The following TFDP2 variants were observed in gnomAD, a reference collection of about 807,000 sequenced individuals.
TFDP2 encodes transcription factor Dp-2 (E2F dimerization partner 2).
TFDP2 carries 17 observed loss-of-function variants against 59.3 expected under a neutral mutation model. The observed-to-expected ratio is 0.29, with a 90% CI of 0.20 to 0.43. TFDP2 has a LOEUF of 0.43. Ranked by LOEUF, TFDP2 falls within the 20% of genes least tolerant of loss-of-function variation. TFDP2 has a pLI of 1.00. For synonymous variants in TFDP2, 180 were observed against 194.7 expected (o/e 0.92, Z 0.63); for missense variants, 391 against 528.8 (o/e 0.74, Z 2.56).
At chr3:142,092,419 C>T (rs542992504) in intron 3 of TFDP2, among the ~76,000 whole-genome samples, 1 of 152,212 alleles carries the variant, frequency 6.6e-6, no homozygotes, top group East Asian at 1.9e-4. Flanking sequence ...CTCAACCTTC[C>T]AGGCTCAAGC....
chr3:142,002,048 G>A (rs1163696135), intron 4 of TFDP2, among the ~76,000 whole-genome samples: 3 of 148,478 alleles, frequency 2.0e-5, no homozygotes, highest in Non-Finnish European at 4.4e-5. Flanking sequence ...AGGCTGGAGT[G>A]CAGTGGTGCA....
intron 9 of TFDP2, among the ~76,000 whole-genome samples, chr3:141,968,005 A>C (rs1470968339): frequency 6.6e-6 from 1 of 151,756 alleles, no homozygotes; most frequent in Admixed American, 6.6e-5. Context: ...GTTTTGAAGA[A>C]ATTCCAGGAG....
intron 3 of TFDP2, among the ~76,000 whole-genome samples, chr3:142,085,350 A>G (rs1449557269): frequency 6.8e-6 from 1 of 146,164 alleles, no homozygotes; most frequent in Non-Finnish European, 1.5e-5. Flanking sequence ...AAGTATGACT[A>G]TATCAAAGTA....
At chr3:141,966,916 T>TAAAAA (rs10668338) in intron 9 of TFDP2, among the ~76,000 whole-genome samples, 1 of 120,742 alleles carries the variant, frequency 8.3e-6, no homozygotes, top group African/African-American at 3.2e-5. Flanking sequence ...GATTACTTAT[T>TAAAAA]AAAAAAAAAA....
intron 7 of TFDP2, among the ~76,000 whole-genome samples, chr3:141,974,621 AACTTAATAT>A (rs1455909045): frequency 6.6e-6 from 1 of 152,214 alleles, no homozygotes; most frequent in Admixed American, 6.5e-5. Flanking sequence ...TAGAATACAG[AACTTAATAT>A]ACATGACAAC....
intron 1 of TFDP2, among the ~76,000 whole-genome samples, chr3:142,123,129 AT>A (rs1351786454): frequency 3.3e-5 from 5 of 151,762 alleles, no homozygotes; most frequent in African/African-American, 1.2e-4. Context: ...AGCCCTGCTA[AT>A]TTTTGTTGTT....
intron 3 of TFDP2, among the ~76,000 whole-genome samples, chr3:142,044,437 T>C (rs1029300052): frequency 2.0e-5 from 3 of 152,040 alleles, no homozygotes; most frequent in Non-Finnish European, 4.4e-5. Flanking sequence ...GGTTTCATCA[T>C]GTTGGCCAGG....
chr3:141,973,123 A>ATATATATATATATATATATATATTT, intron 8 of TFDP2, among the ~76,000 whole-genome samples: 1 of 58,030 alleles, frequency 1.7e-5, no homozygotes, highest in African/African-American at 6.5e-5. Flanking sequence ...ATATATATAT[A>ATATATATATATATATATATATATTT]TTTTTTTTTT....
At chr3:142,146,898 T>A (rs1488780282) in intron 1 of TFDP2, among the ~76,000 whole-genome samples, 1 of 152,134 alleles carries the variant, frequency 6.6e-6, no homozygotes, top group Non-Finnish European at 1.5e-5. Flanking sequence ...GAGGACACAA[T>A]TTCTAGTTCA....
In TFDP2 at chr3:141,945,747, G is replaced by GTA; in HGVS notation, c.*6765_*6766insTA. The GTA allele has an allele frequency of 6.6e-6, 1 of 152,384 alleles. No individual in the cohort carries two copies. The highest frequency in any genetic ancestry group is 1.5e-5 in the Non-Finnish European group (1 of 68,038). The allele number at this position is 152,384 out of a possible 1,614,324, so 9.4% of individuals were successfully genotyped here. On this transcript the variant is annotated 3_prime_UTR_variant, in exon 13 of 13. Transcript: ENST00000489671. Reference sequence around the variant, plus strand: ...CCATGTGACATGAAGCTCGGCCATGGTGAAGTATGGTAAGTGACAAATGGC... The same window carrying GTA: ...CCATGTGACATGAAGCTCGGCCATGGTATGAAGTATGGTAAGTGACAAATGGC...
Position 142,075,177 on chromosome 3 carries a change from C to T in TFDP2, c.82+17884G>A, listed in dbSNP as rs144193259. On this transcript the variant is annotated intron_variant, in intron 3 of 12. Transcript: ENST00000489671. ...ATGAATATGACAGATACGAAAAGCA[C>T]AGGCAACAAAAGAGAAAATGAATTA... 3.7e-3 allele frequency among the ~76,000 whole-genome samples: 565 copies of T among 152,232 alleles called. 5 individuals carry two copies. The highest frequency in any genetic ancestry group is 0.013 in the African/African-American group (534 of 41,558).
chr3:141,962,175 C>T (rs998538632), intron 10 of TFDP2, among the ~76,000 whole-genome samples: 1 of 151,802 alleles, frequency 6.6e-6, no homozygotes, highest in Non-Finnish European at 1.5e-5. Flanking sequence ...AACTCTTGAC[C>T]ACAGGTGATC....
chr3:141,960,171 T>C (rs1937184631), intron 10 of TFDP2, among the ~76,000 whole-genome samples: 1 of 152,192 alleles, frequency 6.6e-6, no homozygotes, highest in Admixed American at 6.5e-5. Flanking sequence ...AGAAAAGCCT[T>C]TCTACTTTAA....
rs1248828366 is a variant in TFDP2 at position 142,093,082 on chromosome 3, G to C, written c.61C>G (p.Gln21Glu). ...TTACCTTTTGTTGGACTGAGATTCT[G>C]ATCTATAAATCCTCTTACTTCTGCA... ...TNAEVRGFID[Q>E]NLSPTKGNIS... is the part of the protein sequence containing the mutation. The change falls in exon 3 of 13, where the codon CAG becomes GAG. Residue 21 changes from glutamine to glutamate, a missense_variant. Gln to Glu is a conservative substitution (Grantham distance 29). Transcript: ENST00000489671. The C allele has an allele frequency of 6.5e-7, 1 of 1,538,522 alleles. No individual in the cohort carries two copies. The highest frequency in any genetic ancestry group is 1.2e-5 in the South Asian group (1 of 83,042).
intron 3 of TFDP2, among the ~76,000 whole-genome samples, chr3:142,018,720 G>A (rs1195000309): frequency 6.6e-6 from 1 of 152,080 alleles, no homozygotes; most frequent in Non-Finnish European, 1.5e-5. Context: ...GGGACTATAG[G>A]TGTGAGCCAC....
intron 3 of TFDP2, among the ~76,000 whole-genome samples, chr3:142,041,527 T>C (rs982026525): frequency 1.3e-5 from 2 of 152,248 alleles, no homozygotes; most frequent in Non-Finnish European, 2.9e-5. Context: ...CGTGACTTTG[T>C]TCCTCCTTTG....
chr3:142,012,709 A>G (rs2108305302), intron 3 of TFDP2, among the ~76,000 whole-genome samples: 1 of 152,328 alleles, frequency 6.6e-6, no homozygotes, highest in Non-Finnish European at 1.5e-5. Context: ...ATATATTCAT[A>G]AAAAGTCTGC....
chr3:142,034,655 T>C lies in TFDP2; in HGVS notation c.83-29111A>G, dbSNP rs1359502272. On this transcript the variant is annotated intron_variant, in intron 3 of 12. Coordinates refer to ENST00000489671, the MANE Select transcript of TFDP2 (RefSeq NM_001178139.2). ...GCTTATGCTCCATAGCCTTGCTGTA[T>C]CTGGCCTTGCTGATCTTACAAATCC... Among the ~76,000 whole-genome samples, 4 of 152,096 alleles carry C rather than the reference T, an allele frequency of 2.6e-5. No homozygotes were observed. In the East Asian group the frequency reaches 7.7e-4, roughly 29 times the overall value.
intron 3 of TFDP2, among the ~76,000 whole-genome samples, chr3:142,082,097 A>T (rs1171289572): frequency 6.6e-6 from 1 of 151,980 alleles, no homozygotes; most frequent in Non-Finnish European, 1.5e-5. Flanking sequence ...TTACCACCTG[A>T]CCTCCACCTC....
Sources: allele counts gnomAD v4.1 joint callset (sites outside exome capture counted in the v4.1 genomes callset), GRCh38; gene constraint gnomAD v4.1.1; transcripts MANE v1.5; gene names NCBI Gene and HGNC (gene_info 2026-07-23, HGNC 2026-07-21).